OTOP1: variants seen among roughly 807,000 people sequenced by gnomAD.
OTOP1 encodes proton channel OTOP1.
In OTOP1, 59 loss-of-function variants were observed where a neutral mutation model predicts 52.9. That is an observed-to-expected ratio of 1.12 (90% CI 0.91 to 1.39). The LOEUF is 1.39. OTOP1 is among the 40% of genes most tolerant of loss of function. OTOP1 has a pLI of 0.00. For missense variants in OTOP1, 761 were observed against 800.9 expected (o/e 0.95, Z 0.60); for synonymous variants, 317 against 337.7 (o/e 0.94, Z 0.67).
chr4:4,217,630 TA>T (rs1177355626), intron 1 of OTOP1, among the ~76,000 whole-genome samples: 1 of 151,900 alleles, frequency 6.6e-6, no homozygotes, highest in Non-Finnish European at 1.5e-5. Flanking sequence ...AGGCAAAAAA[TA>T]AACCAGTAAA....
At chr4:4,223,409 A>AGATGGATG (rs35580858) in intron 1 of OTOP1, among the ~76,000 whole-genome samples, 14,350 of 148,988 alleles carry the variant, frequency 0.096, 1,535 homozygotes, top group African/African-American at 0.26. Context: ...ATGGACGGAC[A>AGATGGATG]GATGGATGGA....
rs184752476 is a variant in OTOP1 at position 4,198,684 on chromosome 4, G to T, written c.731-581C>A. Among the ~76,000 whole-genome samples, 530 of 152,248 alleles carry T rather than the reference G, an allele frequency of 3.5e-3. 1 individual carries two copies. The highest frequency in any genetic ancestry group is 4.9e-3 in the Non-Finnish European group (331 of 68,028). On this transcript the variant is annotated intron_variant, in intron 4 of 5. Transcript: ENST00000296358. ...GGCATGCAGGAGACAGGCGCCGTCC[G>T]ATATCGGTGCGGGGAAAGTAAACGG...
At chr4:4,199,231 T>TGAGAGA (rs1414526042) in intron 4 of OTOP1, among the ~76,000 whole-genome samples, 4 of 95,880 alleles carry the variant, frequency 4.2e-5, no homozygotes, top group African/African-American at 1.8e-4. Context: ...TGTGTGTGTG[T>TGAGAGA]GTGAGAGAGA....
chr4:4,197,253 T>C lies in OTOP1; in HGVS notation c.1581A>G (p.Pro527=). 2 of 1,614,218 alleles carry C rather than the reference T, an allele frequency of 1.2e-6. No individual in the cohort carries two copies. ...EESSWGGSPS[P]VRLPRFLQGN... is the part of the protein sequence containing the mutation. Reference sequence around the variant, plus strand: ...CCTGTAAGAAACGGGGAAGGCGGACTGGGCTTGGGCTCCCTCCCCAGCTGC... The same window carrying C: ...CCTGTAAGAAACGGGGAAGGCGGACCGGGCTTGGGCTCCCTCCCCAGCTGC... The change falls in exon 5 of 6, where the codon CCA becomes CCG. Residue 527 remains proline (P), a synonymous_variant. Coordinates refer to ENST00000296358, the MANE Select transcript of OTOP1 (RefSeq NM_177998.3).
At chr4:4,217,852 G>A (rs144369714) in intron 1 of OTOP1, among the ~76,000 whole-genome samples, 1 of 152,064 alleles carries the variant, frequency 6.6e-6, no homozygotes, top group Non-Finnish European at 1.5e-5. Context: ...CCCAAAAGAG[G>A]GGAAGATGAA....
Position 4,226,807 on chromosome 4 carries a change from C to A in OTOP1, c.58G>T (p.Ala20Ser). The A allele has an allele frequency of 3.7e-6, 5 of 1,362,192 alleles. No homozygotes were observed. The highest frequency in any genetic ancestry group is 1.7e-5 in the South Asian group (1 of 57,278). The allele number at this position is 1,362,192 out of a possible 1,614,324, so 84.4% of individuals were successfully genotyped here. A position where few individuals can be genotyped will look rare whatever the true frequency, so the allele number is the denominator to read the frequency against. ...SPRAAASASVAGSSGPAACSP... is the reference protein window; with the variant it reads ...SPRAAASASVSGSSGPAACSP... ...CAGGCCGCTGGCCCCGACGACCCTG[C>A]GACCGAGGCGCTTGCAGCTGCCCGG... The change falls in exon 1 of 6, where the codon GCA (alanine) becomes TCA (serine). Residue 20 changes from alanine to serine, a missense_variant. This residue lies in a region of OTOP1 where 73 missense variants were observed against 75.7 expected (regional missense o/e 0.96). Transcript: ENST00000296358.
chr4:4,190,240 AG>A (rs1370572854), intron 5 of OTOP1, among the ~76,000 whole-genome samples: 5 of 152,204 alleles, frequency 3.3e-5, no homozygotes, highest in Non-Finnish European at 7.3e-5. Context: ...TGGGAGGCCA[AG>A]GCAGGTGGAT....
At chr4:4,219,445 T>C (rs1331404868) in intron 1 of OTOP1, among the ~76,000 whole-genome samples, 1 of 152,018 alleles carries the variant, frequency 6.6e-6, no homozygotes, top group Non-Finnish European at 1.5e-5. Context: ...CTCACGCCTG[T>C]AATCCCAGCA....
At chr4:4,189,708 T>C (rs1452844691) in intron 5 of OTOP1, among the ~76,000 whole-genome samples, 1 of 152,204 alleles carries the variant, frequency 6.6e-6, no homozygotes, top group African/African-American at 2.4e-5. Flanking sequence ...TCTTCTCCTG[T>C]AAGACAGGTG....
chr4:4,206,039 T>G (rs778111974), intron 3 of OTOP1, 33 bp downstream of exon 3: 2 of 1,551,836 alleles, frequency 1.3e-6, no homozygotes, highest in Admixed American at 3.4e-5. Flanking sequence ...AATGCCAAAT[T>G]CAACATATAA....
In OTOP1 at chr4:4,226,169, AGTAGGGCCACT is replaced by A. The variant is rs1390179587; in HGVS notation, c.403+282_403+292del. Among the ~76,000 whole-genome samples the A allele has an allele frequency of 2.0e-5, 3 of 152,206 alleles. No homozygotes were observed. The East Asian group carries it at 5.8e-4, about 29-fold the overall frequency. The stretch of plus-strand genomic sequence containing the variant: ...GGAGCGTGGCCTCCATCATGGGGTC[AGTAGGGCCACT>A]GCATGGCTTTAAGTCAGGGAAGGAC... On this transcript the variant is annotated intron_variant, in intron 1 of 5. Transcript: ENST00000296358.
chr4:4,226,097 C>T (rs1206049536), intron 1 of OTOP1, among the ~76,000 whole-genome samples: 3 of 152,156 alleles, frequency 2.0e-5, no homozygotes, highest in Non-Finnish European at 4.4e-5. Flanking sequence ...TCAAAGGAAA[C>T]GGGCCCTCGG....
At chr4:4,196,694 CT>C (rs776371193) in intron 5 of OTOP1, among the ~76,000 whole-genome samples, 4 of 152,100 alleles carry the variant, frequency 2.6e-5, no homozygotes, top group Admixed American at 1.3e-4. Context: ...TGCCACTGCA[CT>C]CCAGCCTGGG....
rs147560251 is a variant in OTOP1, at chr4:4,224,967, C to T, written c.403+1495G>A. ...TGTGCTGGGCAGCCACCTCATCAGTCACTGGATCTTATCCAGTTTGAGATC... is the reference window on the plus strand; with the variant it reads ...TGTGCTGGGCAGCCACCTCATCAGTTACTGGATCTTATCCAGTTTGAGATC... On this transcript the variant is annotated intron_variant, in intron 1 of 5. Coordinates refer to ENST00000296358, the MANE Select transcript of OTOP1 (RefSeq NM_177998.3). Among the ~76,000 whole-genome samples the T allele has an allele frequency of 7.0e-3, 1,071 of 152,330 alleles. 3 individuals are homozygous for T. The highest frequency in any genetic ancestry group is 0.011 in the Non-Finnish European group (771 of 68,030).
In OTOP1 at chr4:4,218,341, G is replaced by A. The variant is rs538609379; in HGVS notation, c.404-5337C>T. 2.1e-4 allele frequency among the ~76,000 whole-genome samples: 32 copies of A among 149,588 alleles called. No individual in the cohort carries two copies. The South Asian group carries it at 2.3e-3, about 11-fold the overall frequency. Reference sequence around the variant, plus strand: ...CGGGAGGCAGAGGTTGCAGTGAACCGAGATTGCGCCATTGCACTCCAGCAT... The same window carrying A: ...CGGGAGGCAGAGGTTGCAGTGAACCAAGATTGCGCCATTGCACTCCAGCAT... On this transcript the variant is annotated intron_variant, in intron 1 of 5. Transcript: ENST00000296358.
intron 5 of OTOP1, among the ~76,000 whole-genome samples, chr4:4,194,588 T>C (rs1428715239): frequency 6.6e-6 from 1 of 152,196 alleles, no homozygotes; most frequent in Non-Finnish European, 1.5e-5. Flanking sequence ...CCTTCCCAAC[T>C]TTGCGTTCTT....
chr4:4,223,777 C>T (rs1218569546), intron 1 of OTOP1, among the ~76,000 whole-genome samples: 2 of 151,954 alleles, frequency 1.3e-5, no homozygotes, highest in Admixed American at 6.6e-5. Context: ...GGCATGTGCA[C>T]CTGTAGTCCC....
At chr4:4,220,359 T>C (rs1167388430) in intron 1 of OTOP1, among the ~76,000 whole-genome samples, 1 of 152,086 alleles carries the variant, frequency 6.6e-6, no homozygotes, top group East Asian at 1.9e-4. Flanking sequence ...TTGATATGTA[T>C]ATAAAATCTT....
In OTOP1 at chr4:4,226,534, C is replaced by A. The variant is rs1717439172; in HGVS notation, c.331G>T (p.Val111Leu). 1.9e-6 allele frequency: 3 copies of A among 1,601,306 alleles called. No homozygotes were observed. Among genetic ancestry groups the A allele is most frequent in the East Asian group, 2.3e-5 (1 of 44,270 alleles). Residue 111 changes from valine (V) to leucine (L), a missense_variant, in exon 1 of 6, where the codon GTG (valine) becomes TTG (leucine). By Grantham distance (32) the Val-to-Leu change is conservative. Around this residue, in one of 3 missense-constraint regions of OTOP1, gnomAD observed 56 missense variants for 105.6 expected, o/e 0.53. Transcript: ENST00000296358. ...LLQLLWMLWY[V>L]GRSSAHRRLF... ...CGGCGGTGCGCGGAGCTGCGGCCCACGTACCACAGCATCCACAGCAGCTGC... is the reference window on the plus strand; with the variant it reads ...CGGCGGTGCGCGGAGCTGCGGCCCAAGTACCACAGCATCCACAGCAGCTGC...
Sources: allele counts gnomAD v4.1 joint callset (sites outside exome capture counted in the v4.1 genomes callset), GRCh38; gene constraint gnomAD v4.1.1; regional missense constraint gnomAD v4.1.1; transcripts MANE v1.5; gene names NCBI Gene and HGNC (gene_info 2026-07-23, HGNC 2026-07-21).